XRCC4: variants seen among roughly 807,000 people sequenced by gnomAD.
XRCC4 encodes the protein DNA repair protein XRCC4.
Under a neutral mutation model 39.1 loss-of-function variants are expected in XRCC4, and 28 were observed. The ratio of observed to expected loss-of-function variants is 0.72; its 90% CI spans 0.53 to 0.98. XRCC4 has a LOEUF of 0.98. Among genes scored for constraint, XRCC4 ranks in the 50% least tolerant of loss-of-function variants. The pLI, the probability that XRCC4 is intolerant of heterozygous loss-of-function variation, is 0.00. For missense variants in XRCC4, 350 were observed against 376.4 expected (o/e 0.93, Z 0.58); for synonymous variants, 123 against 126.4 (o/e 0.97, Z 0.18).
chr5:83,356,201 C>G (rs1757188304), downstream of XRCC4, among the ~76,000 whole-genome samples: 1 of 151,854 alleles, frequency 6.6e-6, no homozygotes, highest in Non-Finnish European at 1.5e-5. Flanking sequence ...CTAGATTTAC[C>G]CTGTATCTTT....
intron 3 of XRCC4, among the ~76,000 whole-genome samples, chr5:83,159,879 C>T (rs191851299): frequency 6.6e-4 from 101 of 152,054 alleles, no homozygotes; most frequent in Admixed American, 1.3e-3. Context: ...ATTCTTTTAC[C>T]ACTGTAAAAT....
At chr5:83,331,165 A>T (rs900217075) in intron 7 of XRCC4, among the ~76,000 whole-genome samples, 1 of 152,030 alleles carries the variant, frequency 6.6e-6, no homozygotes, top group Admixed American at 6.6e-5. Flanking sequence ...AGTCTCTCTG[A>T]AGCAGAAAAA....
In XRCC4 at chr5:83,119,442, G is replaced by C. The variant is rs961370175; in HGVS notation, c.315+8239G>C. On this transcript the variant is annotated intron_variant, in intron 3 of 7. Transcript: ENST00000396027. ...ATGTGAGGACTAAGTAATGTAAGTG[G>C]TGAAGAAATCCCATTAAAAGTATAC... 1.1e-4 allele frequency among the ~76,000 whole-genome samples: 17 copies of C among 152,212 alleles called. 1 individual carries two copies. The highest frequency in any genetic ancestry group is 6.5e-5 in the Admixed American group (1 of 15,280).
chr5:83,183,455 G>GTGTGT (rs1209328177), intron 3 of XRCC4, among the ~76,000 whole-genome samples: 5 of 86,480 alleles, frequency 5.8e-5, no homozygotes, highest in East Asian at 3.1e-4. Context: ...TGTGTGTGTG[G>GTGTGT]CACATCAAGC....
At chr5:83,161,162 G>A (rs1749189951) in intron 3 of XRCC4, among the ~76,000 whole-genome samples, 1 of 150,454 alleles carries the variant, frequency 6.6e-6, no homozygotes. Flanking sequence ...CTAGGCTGGA[G>A]TGCAGTGGTG....
At chr5:83,254,834 C>A (rs1156782258) in intron 6 of XRCC4, among the ~76,000 whole-genome samples, 1 of 152,022 alleles carries the variant, frequency 6.6e-6, no homozygotes, top group African/African-American at 2.4e-5. Context: ...CGCCTGTAAT[C>A]CCAGCGCTTT....
chr5:83,134,208 G>A (rs1747762925), intron 3 of XRCC4, among the ~76,000 whole-genome samples: 2 of 152,138 alleles, frequency 1.3e-5, no homozygotes, highest in Admixed American at 1.3e-4. Flanking sequence ...TGGGCTGCCG[G>A]AGTGTCCGGG....
At chr5:83,321,241 A>T (rs892413097) in intron 7 of XRCC4, among the ~76,000 whole-genome samples, 2 of 152,172 alleles carry the variant, frequency 1.3e-5, no homozygotes, top group African/African-American at 4.8e-5. Context: ...TTTGGCATGG[A>T]ACCAAACTGG....
At chr5:83,215,353 A>C (rs894474610) in intron 6 of XRCC4, among the ~76,000 whole-genome samples, 4 of 152,088 alleles carry the variant, frequency 2.6e-5, no homozygotes, top group African/African-American at 9.7e-5. Flanking sequence ...AAAACAAAAA[A>C]ATTAATATTG....
At chr5:83,185,806 A>G (rs951825021) in intron 3 of XRCC4, among the ~76,000 whole-genome samples, 38 of 152,160 alleles carry the variant, frequency 2.5e-4, no homozygotes, top group Non-Finnish European at 5.9e-5. Flanking sequence ...ATAACTGGTG[A>G]AGAAGCATTG....
At chr5:83,276,265 C>T (rs1322690771) in intron 7 of XRCC4, among the ~76,000 whole-genome samples, 1 of 152,050 alleles carries the variant, frequency 6.6e-6, no homozygotes, top group Non-Finnish European at 1.5e-5. Flanking sequence ...GTGCTCTGAG[C>T]ATTTCTAAGA....
At chr5:83,086,593 G>T (rs1202970448) in intron 1 of XRCC4, among the ~76,000 whole-genome samples, 2 of 152,128 alleles carry the variant, frequency 1.3e-5, no homozygotes, top group Non-Finnish European at 2.9e-5. Context: ...CTGTCTCTGG[G>T]CTGGCAGAGG....
At chr5:83,169,224 C>T (rs989823353) in intron 3 of XRCC4, among the ~76,000 whole-genome samples, 2 of 151,980 alleles carry the variant, frequency 1.3e-5, no homozygotes, top group Non-Finnish European at 2.9e-5. Flanking sequence ...AGAAAATAGT[C>T]ATTTTTCCAA....
the XRCC4 span, among the ~76,000 whole-genome samples, chr5:83,367,401 C>T: frequency 6.6e-6 from 1 of 152,138 alleles, no homozygotes. Context: ...TAGCCTTCAC[C>T]CTATGTGACT....
chr5:83,315,916 T>C (rs1471184268), intron 7 of XRCC4, among the ~76,000 whole-genome samples: 1 of 152,166 alleles, frequency 6.6e-6, no homozygotes, highest in Non-Finnish European at 1.5e-5. Flanking sequence ...TATTTCAGAA[T>C]TACATTTTGT....
At chr5:83,357,343 G>A (rs1167192495), downstream of XRCC4, among the ~76,000 whole-genome samples, 10 of 152,166 alleles carry the variant, frequency 6.6e-5, no homozygotes, top group Non-Finnish European at 1.5e-4. Flanking sequence ...ACTATGTAAT[G>A]AACTATAATA....
chr5:83,213,117 A>G lies in XRCC4; in HGVS notation c.745+8196A>G, dbSNP rs575338699. Among the ~76,000 whole-genome samples, 13 of 152,198 alleles carry G rather than the reference A, an allele frequency of 8.5e-5. No homozygotes were observed. The South Asian group carries it at 2.7e-3, about 32-fold the overall frequency. On this transcript the variant is annotated intron_variant, in intron 6 of 7. Transcript: ENST00000396027. ...GCATTTACAAAATTCTGAAAGAACA[A>G]AAAAAGAAATCATAACCAATAGTTT...
intron 3 of XRCC4, among the ~76,000 whole-genome samples, chr5:83,165,658 C>G (rs1749431958): frequency 1.3e-5 from 2 of 152,042 alleles, no homozygotes. Context: ...CCAACAGGCC[C>G]CAGTGTGTGT....
chr5:83,274,253 C>T (rs1357619928), intron 7 of XRCC4, among the ~76,000 whole-genome samples: 2 of 152,152 alleles, frequency 1.3e-5, no homozygotes, highest in Non-Finnish European at 2.9e-5. Flanking sequence ...GGAAAAATTA[C>T]ACTACAAAAG....
Sources: allele counts gnomAD v4.1 joint callset (sites outside exome capture counted in the v4.1 genomes callset), GRCh38; gene constraint gnomAD v4.1.1; transcripts MANE v1.5; gene names NCBI Gene and HGNC (gene_info 2026-07-23, HGNC 2026-07-21).